Variants in DACH2 observed in about 807,000 individuals in gnomAD.
DACH2 encodes dachshund homolog 2.
DACH2 carries 17 observed loss-of-function variants against 35.8 expected under a neutral mutation model. That is an observed-to-expected ratio of 0.48 (90% CI 0.33 to 0.71). The LOEUF (loss-of-function observed/expected upper bound fraction) is 0.71. Among genes scored for constraint, DACH2 ranks in the 30% least tolerant of loss-of-function variants. The probability of loss-of-function intolerance (pLI) is 0.02; values close to 1 mark genes in which losing one functional copy is unlikely to be tolerated. For missense variants in DACH2, 469 were observed against 472.7 expected (o/e 0.99, Z 0.07); for synonymous variants, 195 against 177.3 (o/e 1.10, Z -0.79).
intron 3 of DACH2, among the ~76,000 whole-genome samples, chrX:86,615,094 T>G (rs2148372455): frequency 9.0e-6 from 1 of 111,718 alleles, no homozygotes; most frequent in African/African-American, 3.2e-5. Context: ...CTTATTAGTC[T>G]TTTCTGGAAA....
intron 1 of DACH2, among the ~76,000 whole-genome samples, chrX:86,291,975 G>T (rs1238201969): frequency 4.3e-5 from 3 of 69,096 alleles, no homozygotes; most frequent in Non-Finnish European, 2.6e-5. Context: ...TTTTTCTATT[G>T]ATTGGAATAG....
intron 1 of DACH2, among the ~76,000 whole-genome samples, chrX:86,296,649 C>G (rs1480316690): frequency 9.0e-6 from 1 of 110,808 alleles, no homozygotes; most frequent in East Asian, 2.8e-4. Flanking sequence ...AAAATGAGTA[C>G]CAATAGAATC....
rs190385366 is a variant in DACH2 at position 86,467,067 on chromosome X, A to G, written c.528-47212A>G. 3.6e-5 allele frequency among the ~76,000 whole-genome samples: 4 copies of G among 112,140 alleles called. No individual in the cohort carries two copies. In the East Asian group the frequency reaches 8.4e-4, roughly 24 times the overall value. ...AAATCCAGCTTCTCATTTGTTATACAAATTTCTGCAGCTGGATTGAATTTC... is the reference window on the plus strand; with the variant it reads ...AAATCCAGCTTCTCATTTGTTATACGAATTTCTGCAGCTGGATTGAATTTC... On this transcript the variant is annotated intron_variant, in intron 2 of 11. Coordinates refer to ENST00000373125, the MANE Select transcript of DACH2 (RefSeq NM_053281.3).
intron 9 of DACH2, among the ~76,000 whole-genome samples, chrX:86,814,312 G>A (rs1218852655): frequency 2.7e-5 from 3 of 112,100 alleles, no homozygotes; most frequent in Admixed American, 1.9e-4. Context: ...TCAGTAACCT[G>A]ATGAATAATA....
At chrX:86,291,452 C>T (rs1164544136) in intron 1 of DACH2, among the ~76,000 whole-genome samples, 1 of 102,139 alleles carries the variant, frequency 9.8e-6, no homozygotes, top group African/African-American at 3.7e-5. Flanking sequence ...CCAGAACTTC[C>T]AACACTATAT....
At chrX:86,576,898 G>A (rs2039442481) in intron 3 of DACH2, among the ~76,000 whole-genome samples, 1 of 110,900 alleles carries the variant, frequency 9.0e-6, no homozygotes, top group South Asian at 3.8e-4. Flanking sequence ...CACACCAGCT[G>A]CCTTTTGCCT....
intron 3 of DACH2, among the ~76,000 whole-genome samples, chrX:86,536,170 G>C (rs1286476420): frequency 1.8e-5 from 2 of 110,626 alleles, no homozygotes; most frequent in Non-Finnish European, 3.8e-5. Context: ...GAAAACACAT[G>C]CACAAATTCT....
intron 2 of DACH2, among the ~76,000 whole-genome samples, chrX:86,466,986 G>A (rs1299603953): frequency 8.9e-6 from 1 of 111,924 alleles, no homozygotes; most frequent in Non-Finnish European, 1.9e-5. Flanking sequence ...GGGAGGCACT[G>A]CCAAGAAGGC....
rs182916390 is a variant in DACH2, at chrX:86,766,435, G to A, written c.1240+26553G>A. Among the ~76,000 whole-genome samples, 199 of 111,702 alleles carry A rather than the reference G, an allele frequency of 1.8e-3. 1 individual carries two copies. Among genetic ancestry groups the A allele is most frequent in the African/African-American group, 6.2e-3 (192 of 30,781 alleles). Reference sequence around the variant, plus strand: ...CCACGGCCAAATTCAAGCTAACAGCGTGATGTCAGTGAATGCAGACATGGG... The same window carrying A: ...CCACGGCCAAATTCAAGCTAACAGCATGATGTCAGTGAATGCAGACATGGG... On this transcript the variant is annotated intron_variant, in intron 7 of 11. Coordinates refer to ENST00000373125, the MANE Select transcript of DACH2 (RefSeq NM_053281.3).
chrX:86,332,345 G>T (rs1569352641), intron 1 of DACH2, among the ~76,000 whole-genome samples: 2 of 111,088 alleles, frequency 1.8e-5, no homozygotes, highest in Admixed American at 9.7e-5. Flanking sequence ...AATCATAATT[G>T]TGGCCTCCGA....
intron 2 of DACH2, among the ~76,000 whole-genome samples, chrX:86,440,346 C>A (rs1008183496): frequency 5.4e-5 from 6 of 110,855 alleles, no homozygotes; most frequent in Non-Finnish European, 1.1e-4. Context: ...AAATTGACTC[C>A]TCTCTCATTT....
intron 1 of DACH2, among the ~76,000 whole-genome samples, chrX:86,274,741 G>A (rs367796619): frequency 2.7e-5 from 3 of 109,567 alleles, no homozygotes; most frequent in Non-Finnish European, 3.8e-5. Context: ...CTCGTGATCT[G>A]CCCACCTCGG....
At chrX:86,437,437 C>T (rs1261672734) in intron 2 of DACH2, among the ~76,000 whole-genome samples, 2 of 111,623 alleles carry the variant, frequency 1.8e-5, no homozygotes, top group Non-Finnish European at 3.8e-5. Context: ...ATTCCTCCTA[C>T]CCACCCACTG....
intron 2 of DACH2, among the ~76,000 whole-genome samples, chrX:86,414,921 C>A (rs1314215355): frequency 9.0e-6 from 1 of 111,577 alleles, no homozygotes; most frequent in Non-Finnish European, 1.9e-5. Context: ...CCTAGAGGGA[C>A]AGGACTTATA....
chrX:86,477,532 G>T (rs1330193622), intron 2 of DACH2, among the ~76,000 whole-genome samples: 2 of 107,455 alleles, frequency 1.9e-5, no homozygotes, highest in African/African-American at 6.7e-5. Flanking sequence ...TTTTTTCTCT[G>T]TATTTTCACC....
chrX:86,676,850 C>T (rs1285589108), intron 4 of DACH2, among the ~76,000 whole-genome samples: 4 of 111,305 alleles, frequency 3.6e-5, no homozygotes, highest in Non-Finnish European at 7.5e-5. Context: ...TATCTTGCCA[C>T]ATTCCTTTTC....
chrX:86,409,412 C>A (rs1308608682), intron 2 of DACH2, among the ~76,000 whole-genome samples: 1 of 111,315 alleles, frequency 9.0e-6, no homozygotes, highest in Non-Finnish European at 1.9e-5. Context: ...AAGGTGGGGC[C>A]TGGTAGGAAG....
intron 11 of DACH2, among the ~76,000 whole-genome samples, chrX:86,818,643 GA>G (rs2042476307): frequency 9.0e-6 from 1 of 110,740 alleles, no homozygotes; most frequent in African/African-American, 3.3e-5. Flanking sequence ...TAACTTGGAA[GA>G]TCATTTCCTA....
At chrX:86,397,096 G>T (rs1307396053) in intron 2 of DACH2, among the ~76,000 whole-genome samples, 4 of 109,692 alleles carry the variant, frequency 3.6e-5, no homozygotes, top group African/African-American at 1.3e-4. Context: ...TCCTTGAAGA[G>T]GTCCTTCACA....
Sources: gnomAD v4.1 joint callset for allele counts (sites outside exome capture counted in the v4.1 genomes callset) on GRCh38, gnomAD v4.1.1 for gene constraint, MANE v1.5 for transcripts, NCBI Gene and HGNC (gene_info 2026-07-23, HGNC 2026-07-21) for gene names.